The following DAB1 variants were observed in gnomAD, a reference collection of about 807,000 sequenced individuals.
DAB1 encodes the protein disabled homolog 1.
DAB1 carries 15 observed loss-of-function variants against 64.6 expected under a neutral mutation model. The observed-to-expected ratio is 0.23, with a 90% confidence interval of 0.16 to 0.36. The LOEUF is 0.36. Ranked by LOEUF, DAB1 falls within the 10% of genes least tolerant of loss-of-function variation. The probability of loss-of-function intolerance (pLI) is 1.00; values close to 1 mark genes in which losing one functional copy is unlikely to be tolerated. For missense variants in DAB1, 596 were observed against 706.7 expected, an observed-to-expected ratio of 0.84 and a Z score of 1.78; for synonymous variants, 235 against 251.9, an observed-to-expected ratio of 0.93 and a Z score of 0.64.
At chr1:57,508,940 T>C (rs141657977) in intron 7 of DAB1, among the ~76,000 whole-genome samples, 1,869 of 151,806 alleles carry the variant, frequency 0.012, 17 homozygotes, top group Middle Eastern at 0.042. Context: ...ATAAAATGCA[T>C]TAATATATGA....
At chr1:57,464,854 T>G (rs114653438) in intron 7 of DAB1, among the ~76,000 whole-genome samples, 1 of 152,022 alleles carries the variant, frequency 6.6e-6, no homozygotes, top group Non-Finnish European at 1.5e-5. Context: ...AGCAGGTAAA[T>G]ATTGAGACAA....
intron 1 of DAB1, among the ~76,000 whole-genome samples, chr1:57,369,778 C>A (rs1307166946): frequency 6.6e-6 from 1 of 152,156 alleles, no homozygotes; most frequent in African/African-American, 2.4e-5. Flanking sequence ...AAGTAATTAA[C>A]TCAAGGCCAG....
intron 4 of DAB1, among the ~76,000 whole-genome samples, chr1:58,205,188 G>A (rs1658201803): frequency 6.6e-6 from 1 of 152,118 alleles, no homozygotes; most frequent in Non-Finnish European, 1.5e-5. Flanking sequence ...CACAGCCCAT[G>A]GACAGACTTC....
At chr1:57,289,218 T>G (rs1337419697) in intron 2 of DAB1, among the ~76,000 whole-genome samples, 1 of 152,240 alleles carries the variant, frequency 6.6e-6, no homozygotes, top group Non-Finnish European at 1.5e-5. Context: ...TGCAGAATAC[T>G]TCTGGTTTTG....
chr1:57,136,008 A>C (rs532618808), intron 4 of DAB1, among the ~76,000 whole-genome samples: 61 of 152,168 alleles, frequency 4.0e-4, no homozygotes, highest in Admixed American at 1.0e-3. Flanking sequence ...AGGTTGATGA[A>C]AACACAAACC....
intron 9 of DAB1, among the ~76,000 whole-genome samples, chr1:57,029,067 G>A (rs1646884406): frequency 1.3e-5 from 2 of 152,174 alleles, no homozygotes; most frequent in East Asian, 1.9e-4. Context: ...CCCATCACAG[G>A]CCTGGAGGCC....
At chr1:57,180,382 G>A (rs4912432) in intron 2 of DAB1, among the ~76,000 whole-genome samples, 48,183 of 152,084 alleles carry the variant, frequency 0.32, 9,349 homozygotes, top group Non-Finnish European at 0.42. Context: ...AATTTAAAAT[G>A]GCTGCACTCA....
chr1:57,869,340 C>G (rs181950258), intron 1 of DAB1, among the ~76,000 whole-genome samples: 1 of 152,210 alleles, frequency 6.6e-6, no homozygotes, highest in East Asian at 1.9e-4. Flanking sequence ...TTCCTACAGA[C>G]AAAACCAAGT....
intron 5 of DAB1, among the ~76,000 whole-genome samples, chr1:58,025,822 C>G (rs1321069014): frequency 6.6e-6 from 1 of 151,752 alleles, no homozygotes; most frequent in Non-Finnish European, 1.5e-5. Flanking sequence ...TCCCTCTAAA[C>G]TATGACCCCT....
rs72920680 is a variant in DAB1 at position 57,947,880 on chromosome 1, A to C, written n.388-63718T>G. ...AACAGGGGCAGAGATCACAATCCCAAACTAAAATAAACCGTGGTCTCCTTC... is the reference window on the plus strand; with the variant it reads ...AACAGGGGCAGAGATCACAATCCCACACTAAAATAAACCGTGGTCTCCTTC... On this transcript the variant is annotated intron_variant and non_coding_transcript_variant, in intron 5 of 20. Transcript: ENST00000485760. 9.0e-3 allele frequency among the ~76,000 whole-genome samples: 1,368 copies of C among 152,306 alleles called. 20 individuals carry two copies. The highest frequency in any genetic ancestry group is 0.03 in the African/African-American group (1,260 of 41,562).
At chr1:57,133,839 C>A (rs1178604630) in intron 4 of DAB1, among the ~76,000 whole-genome samples, 1 of 152,074 alleles carries the variant, frequency 6.6e-6, no homozygotes, top group Non-Finnish European at 1.5e-5. Context: ...TTTTCCACTT[C>A]TTTGATATGG....
chr1:57,921,638 G>T (rs1280837692), intron 5 of DAB1, among the ~76,000 whole-genome samples: 1 of 151,758 alleles, frequency 6.6e-6, no homozygotes, highest in Non-Finnish European at 1.5e-5. Flanking sequence ...TGCCACCTCT[G>T]CCGCCACCAT....
intron 3 of DAB1, chr1:58,481,104 A>C: frequency 2.3e-6 from 2 of 871,966 alleles, no homozygotes; most frequent in South Asian, 1.3e-5. Flanking sequence ...CTTCGTGCTG[A>C]GTTTGAATAG....
chr1:58,359,977 C>T (rs1644149554), intron 3 of DAB1, among the ~76,000 whole-genome samples: 1 of 152,158 alleles, frequency 6.6e-6, no homozygotes, highest in Non-Finnish European at 1.5e-5. Context: ...GTGGCAATAT[C>T]AACTACCTTG....
chr1:57,420,064 C>G (rs1684780200), intron 1 of DAB1, among the ~76,000 whole-genome samples: 1 of 152,206 alleles, frequency 6.6e-6, no homozygotes, highest in Admixed American at 6.5e-5. Context: ...TAACCAATGC[C>G]TGATAGAAAC....
chr1:58,092,165 T>C (rs978010475), intron 5 of DAB1, among the ~76,000 whole-genome samples: 4 of 151,706 alleles, frequency 2.6e-5, no homozygotes, highest in Non-Finnish European at 4.4e-5. Context: ...TGAAACCCTG[T>C]CTCTACTAAA....
At chr1:58,213,722 C>T (rs1156347249) in intron 4 of DAB1, among the ~76,000 whole-genome samples, 1 of 152,160 alleles carries the variant, frequency 6.6e-6, no homozygotes, top group Non-Finnish European at 1.5e-5. Context: ...ACAAAGCCAA[C>T]TTCCTTTCTT....
In DAB1 at chr1:57,020,578, A is replaced by G. The variant is rs566484342; in HGVS notation, c.895+2953T>C. Among the ~76,000 whole-genome samples the G allele has an allele frequency of 5.9e-5, 9 of 152,290 alleles. No homozygotes were observed. The East Asian group carries it at 1.4e-3, about 23-fold the overall frequency. On this transcript the variant is annotated intron_variant, in intron 11 of 14. Coordinates refer to ENST00000371236, the MANE Select transcript of DAB1 (RefSeq NM_001365792.1). ...AGCAGTCAAGAGGCTGAAGACCTAA[A>G]CTTTATTACAGGCACTAATTTCCAG...
intron 5 of DAB1, among the ~76,000 whole-genome samples, chr1:58,036,703 G>A (rs991266519): frequency 3.3e-5 from 5 of 152,188 alleles, no homozygotes; most frequent in African/African-American, 1.2e-4. Context: ...GAGAGTGGAG[G>A]CAGAGGTACA....
Sources: gnomAD v4.1 joint callset for allele counts (sites outside exome capture counted in the v4.1 genomes callset) on GRCh38, gnomAD v4.1.1 for gene constraint, MANE v1.5 for transcripts, NCBI Gene and HGNC (gene_info 2026-07-23, HGNC 2026-07-21) for gene names.